FIP1L1: variants seen among roughly 807,000 people sequenced by gnomAD.
FIP1L1 encodes pre-mRNA 3'-end-processing factor FIP1.
Under a neutral mutation model 84.6 loss-of-function variants are expected in FIP1L1, and 21 were observed. The observed-to-expected ratio is 0.25, with a 90% CI of 0.18 to 0.36. FIP1L1 has a LOEUF of 0.36. Ranked by LOEUF, FIP1L1 falls within the 10% of genes least tolerant of loss-of-function variation. The pLI, the probability that FIP1L1 is intolerant of heterozygous loss-of-function variation, is 1.00. For synonymous variants in FIP1L1, 263 were observed against 242.3 expected (o/e 1.09, Z -0.80); for missense variants, 526 against 751.1 (o/e 0.70, Z 3.50).
At chr4:53,395,654 A>AGAC (rs556937614) in intron 9 of FIP1L1, among the ~76,000 whole-genome samples, 15 of 152,232 alleles carry the variant, frequency 9.9e-5, no homozygotes, top group Non-Finnish European at 2.2e-4. Context: ...AAAGACAGTC[A>AGAC]AGTAACAAAT....
intron 15 of FIP1L1, among the ~76,000 whole-genome samples, chr4:53,449,312 C>T (rs1318925522): frequency 1.3e-5 from 2 of 151,850 alleles, no homozygotes; most frequent in East Asian, 3.9e-4. Flanking sequence ...CCTGATTTTC[C>T]AAGGGCTTAT....
chr4:53,380,611 A>T (rs1013346159), intron 3 of FIP1L1, among the ~76,000 whole-genome samples: 1 of 152,348 alleles, frequency 6.6e-6, no homozygotes, highest in African/African-American at 2.4e-5. Flanking sequence ...AAATGGAAGT[A>T]GAAATAGCTT....
At position 53,405,810 on chromosome 4, in the gene FIP1L1, G is replaced by A. The variant is rs1479594536; in HGVS notation, c.815+5971G>A. On this transcript the variant is annotated intron_variant, in intron 10 of 17. Transcript: ENST00000337488. ...TCACTCATGATTTGGCTCTCTGTTT[G>A]TCTGTTATTGGTGTATAAGAATGCT... 1.4e-4 allele frequency among the ~76,000 whole-genome samples: 21 copies of A among 147,452 alleles called. No homozygotes were observed. The East Asian group carries it at 4.2e-3, about 29-fold the overall frequency.
chr4:53,429,189 TC>T (rs1283251067), intron 13 of FIP1L1, among the ~76,000 whole-genome samples: 2 of 152,206 alleles, frequency 1.3e-5, no homozygotes, highest in Non-Finnish European at 2.9e-5. Flanking sequence ...CACTGTCACC[TC>T]TACTCTCAAA....
chr4:53,414,538 G>GAAAAAAA, intron 10 of FIP1L1, 77 bp from the exon 11 acceptor site: 1 of 736,088 alleles, frequency 1.4e-6, no homozygotes, highest in Non-Finnish European at 2.1e-6. Context: ...AGCATGTCAA[G>GAAAAAAA]AAAAAAAAAA....
intron 5 of FIP1L1, among the ~76,000 whole-genome samples, chr4:53,387,436 C>T (rs62323222): frequency 0.13 from 19,767 of 152,204 alleles, 2,562 homozygotes; most frequent in African/African-American, 0.32. Flanking sequence ...TCCCACAAAA[C>T]AGATTCATTT....
intron 3 of FIP1L1, among the ~76,000 whole-genome samples, chr4:53,381,211 T>TAGG (rs1737690033): frequency 6.6e-6 from 1 of 152,078 alleles, no homozygotes; most frequent in Non-Finnish European, 1.5e-5. Flanking sequence ...TCCAAAAGAG[T>TAGG]AGGCCTATTG....
chr4:53,407,959 C>T (rs1178902533), intron 10 of FIP1L1, among the ~76,000 whole-genome samples: 9 of 152,170 alleles, frequency 5.9e-5, no homozygotes, highest in African/African-American at 1.9e-4. Flanking sequence ...ATTTGCCAGT[C>T]TGTGTCTTTT....
chr4:53,412,091 A>T lies in FIP1L1; in HGVS notation c.816-2524A>T, dbSNP rs1462106418. Reference sequence around the variant, plus strand: ...AAACTTACAAAGAATTGCAAAAAAAAGTACAAATAACTTCCATATACTGTA... The same window carrying T: ...AAACTTACAAAGAATTGCAAAAAAATGTACAAATAACTTCCATATACTGTA... On this transcript the variant is annotated intron_variant, in intron 10 of 17. Coordinates refer to ENST00000337488, the MANE Select transcript of FIP1L1 (RefSeq NM_030917.4). 2.0e-5 allele frequency among the ~76,000 whole-genome samples: 3 copies of T among 152,162 alleles called. No homozygotes were observed. The East Asian group carries it at 5.8e-4, about 29-fold the overall frequency.
intron 11 of FIP1L1, among the ~76,000 whole-genome samples, chr4:53,423,241 AT>A (rs1763078649): frequency 6.6e-6 from 1 of 152,292 alleles, no homozygotes; most frequent in Admixed American, 6.5e-5. Flanking sequence ...TAAACTGTAC[AT>A]TAACTCAGAC....
At chr4:53,393,262 C>T (rs1028605473) in intron 9 of FIP1L1, among the ~76,000 whole-genome samples, 6 of 152,098 alleles carry the variant, frequency 3.9e-5, no homozygotes, top group Admixed American at 6.5e-5. Context: ...GAACTAGGGC[C>T]TGAACTCACT....
intron 10 of FIP1L1, among the ~76,000 whole-genome samples, chr4:53,409,103 G>T (rs1396516243): frequency 6.6e-6 from 1 of 152,122 alleles, no homozygotes; most frequent in African/African-American, 2.4e-5. Context: ...TTTCTGCTCT[G>T]TTTTTTCCCC....
chr4:53,414,973 AT>A (rs543244226), intron 11 of FIP1L1, among the ~76,000 whole-genome samples: 4 of 150,276 alleles, frequency 2.7e-5, no homozygotes, highest in East Asian at 2.0e-4. Context: ...ATGCTCAGTA[AT>A]TTTTTTTTTC....
At chr4:53,411,294 T>C (rs1757094952) in intron 10 of FIP1L1, among the ~76,000 whole-genome samples, 1 of 152,168 alleles carries the variant, frequency 6.6e-6, no homozygotes, top group Admixed American at 6.6e-5. Context: ...TTAGCAGGGC[T>C]ATCACTACTA....
intron 13 of FIP1L1, among the ~76,000 whole-genome samples, chr4:53,430,381 C>CTCT: frequency 8.1e-6 from 1 of 124,132 alleles, no homozygotes; most frequent in South Asian, 2.9e-4. Context: ...CAGGGTCTCA[C>CTCT]TCTTTCGCCC....
chr4:53,384,149 C>G (rs2149299820), intron 5 of FIP1L1, among the ~76,000 whole-genome samples: 1 of 152,250 alleles, frequency 6.6e-6, no homozygotes. Context: ...AGGTTCATGC[C>G]TGTAATCCCA....
chr4:53,450,271 A>G (rs1379876644), intron 15 of FIP1L1, among the ~76,000 whole-genome samples: 1 of 152,206 alleles, frequency 6.6e-6, no homozygotes, highest in East Asian at 1.9e-4. Context: ...ATTTAAATTT[A>G]TGATGTTTTT....
At chr4:53,446,070 C>T (rs1712232292) in intron 15 of FIP1L1, among the ~76,000 whole-genome samples, 3 of 152,162 alleles carry the variant, frequency 2.0e-5, no homozygotes, top group African/African-American at 7.2e-5. Flanking sequence ...TTCTAGGTAT[C>T]TCTATCAGGG....
At position 53,391,104 on chromosome 4, in the gene FIP1L1, G is replaced by C; in HGVS notation, c.601G>C (p.Val201Leu). Residue 201 changes from valine (V) to leucine (L), a missense_variant, in exon 8 of 18, where the codon GTT becomes CTT. Physicochemically the swap from Val to Leu is conservative, Grantham distance 32. Transcript: ENST00000337488. ...AAAGAGGATACGAATGGGACTTGAA[G>C]TTATACCAGTAACCTCTACTACAAA... ...KQKRIRMGLE[V>L]IPVTSTTNKI... 6.2e-7 allele frequency: 1 copy of C among 1,611,622 alleles called. No individual in the cohort carries two copies. The highest frequency in any genetic ancestry group is 8.5e-7 in the Non-Finnish European group (1 of 1,179,084).
Sources: allele counts gnomAD v4.1 joint callset (sites outside exome capture counted in the v4.1 genomes callset), GRCh38; gene constraint gnomAD v4.1.1; transcripts MANE v1.5; gene names NCBI Gene and HGNC (gene_info 2026-07-23, HGNC 2026-07-21).